Variants in CDH15 observed in about 807,000 individuals in gnomAD.
The protein encoded by CDH15 is cadherin 15.
In CDH15, 73 loss-of-function variants were observed where a neutral mutation model predicts 69.4. The ratio of observed to expected loss-of-function variants is 1.05; its 90% confidence interval spans 0.87 to 1.28. The LOEUF is 1.28. Among genes scored for constraint, CDH15 ranks in the 50% most tolerant of loss-of-function variants. The pLI is 0.00. For missense variants in CDH15, 1,343 were observed against 1,133.6 expected (o/e 1.18, Z -2.65); for synonymous variants, 624 against 507.7 (o/e 1.23, Z -3.08).
In CDH15 at chr16:89,188,271, C is replaced by T. The variant is rs775111526; in HGVS notation, c.964C>T (p.Leu322=). The T allele has an allele frequency of 1.3e-5, 21 of 1,613,208 alleles. No individual in the cohort carries two copies. The highest frequency in any genetic ancestry group is 4.4e-5 in the South Asian group (4 of 91,052). Residue 322 remains leucine, a synonymous_variant, in exon 7 of 14, where the codon CTG becomes TTG. Coordinates refer to ENST00000289746, the MANE Select transcript of CDH15 (RefSeq NM_004933.3). ...GGACCCCAAGACCAACGAGGGTGTT[C>T]TGTCCATTGTGAAGGTGAGCGGCCC... is the stretch of plus-strand genomic sequence containing the variant. ...RTDPKTNEGV[L]SIVKALDYES... is the part of the protein sequence containing the mutation.
At chr16:89,189,579 C>A (rs983776307) in intron 7 of CDH15, among the ~76,000 whole-genome samples, 1 of 152,254 alleles carries the variant, frequency 6.6e-6, no homozygotes, top group African/African-American at 2.4e-5. Context: ...GGGCCAGAGG[C>A]AGGGGACACC....
chr16:89,176,886 C>T (rs1915269139), intron 1 of CDH15, among the ~76,000 whole-genome samples: 1 of 152,304 alleles, frequency 6.6e-6, no homozygotes, highest in East Asian at 1.9e-4. Flanking sequence ...TCCCACCCGT[C>T]CCCCTGCCCG....
intron 4 of CDH15, among the ~76,000 whole-genome samples, chr16:89,184,257 C>T (rs964127714): frequency 1.3e-5 from 2 of 152,142 alleles, no homozygotes; most frequent in Admixed American, 6.5e-5. Flanking sequence ...GTGGCCTCCG[C>T]GCCTCGTTCT....
intron 2 of CDH15, 96 bp from the exon 3 acceptor site, chr16:89,180,104 C>A: frequency 2.2e-6 from 3 of 1,370,230 alleles, no homozygotes; most frequent in Non-Finnish European, 2.0e-6. Flanking sequence ...CTTAGACCTG[C>A]CCTGCTGTCA....
At chr16:89,186,743 C>T (rs144270343) in intron 5 of CDH15, among the ~76,000 whole-genome samples, 1,771 of 147,588 alleles carry the variant, frequency 0.012, 32 homozygotes, top group Non-Finnish European at 0.02. Context: ...ACCCAGCGCA[C>T]AGAAGGTGCT....
At chr16:89,193,431 C>T in intron 11 of CDH15, 39 bp from the exon 12 acceptor site, 1 of 1,570,798 alleles carries the variant, frequency 6.4e-7, no homozygotes. Flanking sequence ...GAAGTCGCGC[C>T]CTGTGCCTGG....
chr16:89,183,318 C>T, intron 3 of CDH15: 1 of 551,128 alleles, frequency 1.8e-6, no homozygotes, highest in Non-Finnish European at 3.2e-6. Flanking sequence ...GCTGCCAAGG[C>T]AAGCAGGGAA....
chr16:89,179,609 G>A lies in CDH15; in HGVS notation c.201+35G>A, dbSNP rs774755970. 17 of 1,529,764 alleles carry A rather than the reference G, an allele frequency of 1.1e-5. No individual in the cohort carries two copies. In the African/African-American group the frequency reaches 1.2e-4, roughly 11 times the overall value. 94.8% of individuals were successfully genotyped at this position (1,529,764 alleles called of 1,614,324 possible). A position where few individuals can be genotyped will look rare whatever the true frequency, so the allele number is the denominator to read the frequency against. On this transcript the variant is annotated intron_variant, in intron 2 of 13. Transcript: ENST00000289746. ...TGGAGGGGGCAGGAGGGGAGAAAGG[G>A]GTAGGCTGGTCCCCAGTGGGCCTCC...
intron 8 of CDH15, 124 bp downstream of exon 8, chr16:89,190,620 T>G: frequency 7.9e-7 from 1 of 1,271,998 alleles, no homozygotes; most frequent in Non-Finnish European, 1.1e-6. Flanking sequence ...TGTGGGTTCC[T>G]GAAGGTCTGG....
chr16:89,191,414 G>T lies in CDH15; in HGVS notation c.1317G>T (p.Pro439=). The T allele has an allele frequency of 6.2e-7, 1 of 1,612,740 alleles. No homozygotes were observed. The highest frequency in any genetic ancestry group is 8.5e-7 in the Non-Finnish European group (1 of 1,179,982). The change falls in exon 9 of 14, where the codon CCG becomes CCT. Residue 439 remains proline (P), a synonymous_variant. Coordinates refer to ENST00000289746, the MANE Select transcript of CDH15 (RefSeq NM_004933.3). ...GRIQTQHVLS[P]ASPFLKGGWY... ...TCCAGACCCAGCACGTGCTCAGCCC[G>T]GCGTCCCCCTTCCTCAAGGGCGGCT... is the stretch of plus-strand genomic sequence containing the variant.
chr16:89,194,936 C>A lies in CDH15; in HGVS notation c.2226C>A (p.Asp742Glu), dbSNP rs370556933. 4.4e-6 allele frequency: 7 copies of A among 1,608,298 alleles called. No homozygotes were observed. In the Admixed American group the frequency reaches 1.2e-4, roughly 27 times the overall value. ...CCCTCATCTATGACTACGAGGGTGA[C>A]GGCTCGGTGGCGGGGACGCTGAGCT... ...DTALIYDYEG[D>E]GSVAGTLSSI... The change falls in exon 14 of 14, where the codon GAC becomes GAA. Residue 742 changes from aspartate to glutamate, a missense_variant. Transcript: ENST00000289746.
Position 89,175,582 on chromosome 16 carries a change from G to T in CDH15, c.42+3709G>T, listed in dbSNP as rs1597300697. On this transcript the variant is annotated intron_variant, in intron 1 of 13. Coordinates refer to ENST00000289746, the MANE Select transcript of CDH15 (RefSeq NM_004933.3). ...GACCAAAGGGGAGGGGGAGAGGGAGGTGCAAAGCTGCCCAGCCACGGCCGG... is the reference window on the plus strand; with the variant it reads ...GACCAAAGGGGAGGGGGAGAGGGAGTTGCAAAGCTGCCCAGCCACGGCCGG... Among the ~76,000 whole-genome samples, 7 of 152,198 alleles carry T rather than the reference G, an allele frequency of 4.6e-5. No homozygotes were observed. The South Asian group carries it at 1.4e-3, about 31-fold the overall frequency.
At chr16:89,191,553 C>T (rs1915641647) in intron 9 of CDH15, 81 bp downstream of exon 9, 1 of 1,587,930 alleles carries the variant, frequency 6.3e-7, no homozygotes, top group Non-Finnish European at 8.5e-7. Flanking sequence ...GAGGGCTCTG[C>T]CCATGTCGCC....
chr16:89,188,429 C>T, intron 7 of CDH15, 144 bp downstream of exon 7: 1 of 657,732 alleles, frequency 1.5e-6, no homozygotes, highest in Non-Finnish European at 2.8e-6. Flanking sequence ...GATGCCCACA[C>T]ACAGATGCCG....
At chr16:89,177,734 G>C (rs1297520610) in intron 1 of CDH15, among the ~76,000 whole-genome samples, 2 of 152,206 alleles carry the variant, frequency 1.3e-5, no homozygotes, top group Non-Finnish European at 1.5e-5. Context: ...CCTGACCGGG[G>C]AGCTCGAGGG....
At position 89,195,030 on chromosome 16, in the gene CDH15, G is replaced by T. The variant is rs890942238; in HGVS notation, c.2320G>T (p.Ala774Ser). 2 of 1,612,230 alleles carry T rather than the reference G, an allele frequency of 1.2e-6. No individual in the cohort carries two copies. Among genetic ancestry groups the T allele is most frequent in the South Asian group, 1.1e-5 (1 of 91,056 alleles). ...DYLRDWGPRF[A>S]RLADMYGHPC... ...CCTCAGAGACTGGGGGCCCCGCTTC[G>T]CCCGGCTGGCAGACATGTATGGGCA... is the stretch of plus-strand genomic sequence containing the variant. Residue 774 changes from alanine to serine, a missense_variant, in exon 14 of 14, where the codon GCC becomes TCC. Coordinates refer to ENST00000289746, the MANE Select transcript of CDH15 (RefSeq NM_004933.3).
intron 3 of CDH15, 134 bp from the exon 4 acceptor site, chr16:89,183,414 T>C: frequency 2.0e-6 from 2 of 978,980 alleles, no homozygotes; most frequent in Non-Finnish European, 3.1e-6. Flanking sequence ...CACCCTGTGC[T>C]GTTTCTCGCC....
Position 89,194,959 on chromosome 16 carries a change from GCTCCATCCT to G in CDH15, c.2250_2258del (p.Ser750_Leu753delinsArg), listed in dbSNP as rs1431506171. 1 of 1,610,040 alleles carries G rather than the reference GCTCCATCCT, an allele frequency of 6.2e-7. No individual in the cohort carries two copies. The highest frequency in any genetic ancestry group is 8.5e-7 in the Non-Finnish European group (1 of 1,178,904). On this transcript the variant is annotated inframe_deletion, in exon 14 of 14. Coordinates refer to ENST00000289746, the MANE Select transcript of CDH15 (RefSeq NM_004933.3). ...GACGGCTCGGTGGCGGGGACGCTGAGCTCCATCCTGTCCAGCCAGGGCGATGAGGACCAG... is the reference window on the plus strand; with the variant it reads ...GACGGCTCGGTGGCGGGGACGCTGAGGTCCAGCCAGGGCGATGAGGACCAG...
chr16:89,188,085 G>C lies in CDH15; in HGVS notation c.793-15G>C, dbSNP rs751287637. Reference sequence around the variant, plus strand: ...CCAGCCCTGCTGGTAACTGGGGCTGGGATCCCCCACCCAGTTCTTCATGGA... The same window carrying C: ...CCAGCCCTGCTGGTAACTGGGGCTGCGATCCCCCACCCAGTTCTTCATGGA... On this transcript the variant is annotated splice_polypyrimidine_tract_variant and intron_variant, in intron 6 of 13. Transcript: ENST00000289746. 6.2e-7 allele frequency: 1 copy of C among 1,603,438 alleles called. No homozygotes were observed. The highest frequency in any genetic ancestry group is 1.1e-5 in the South Asian group (1 of 89,314).
Sources: gnomAD v4.1 joint callset for allele counts (sites outside exome capture counted in the v4.1 genomes callset) on GRCh38, gnomAD v4.1.1 for gene constraint, MANE v1.5 for transcripts, NCBI Gene and HGNC (gene_info 2026-07-23, HGNC 2026-07-21) for gene names.